PPEF1: variants seen among roughly 807,000 people sequenced by gnomAD.
PPEF1 encodes protein phosphatase with EF-hand domain 1, also known as serine/threonine-protein phosphatase with EF-hands 1.
A neutral mutation model predicts 53.3 loss-of-function variants in PPEF1; 12 were observed. The ratio of observed to expected loss-of-function variants is 0.23; its 90% confidence interval spans 0.14 to 0.36. PPEF1 has a LOEUF of 0.36. PPEF1 is among the 10% of genes least tolerant of loss of function. The pLI, the probability that PPEF1 is intolerant of heterozygous loss-of-function variation, is 1.00. For missense variants in PPEF1, 334 were observed against 490.4 expected (o/e 0.68, Z 3.01); for synonymous variants, 165 against 176.7 (o/e 0.93, Z 0.52).
At position 18,823,962 on chromosome X, in the gene PPEF1, A is replaced by G. The variant is rs1338591436; in HGVS notation, c.1541A>G (p.Asn514Ser). 8.3e-7 allele frequency: 1 copy of G among 1,209,104 alleles called. No homozygotes were observed. Among genetic ancestry groups the G allele is most frequent in the Non-Finnish European group, 1.1e-6 (1 of 893,896 alleles). ...SVSQWAFCME[N>S]ILGLNLPWRS... ...AGCCAGTGGGCTTTTTGCATGGAGA[A>G]CATTTTGGGGCTGAACTTACCATGG... The change falls in exon 14 of 16, where the codon AAC (asparagine) becomes AGC (serine). Residue 514 changes from asparagine (N) to serine (S), a missense_variant. Transcript: ENST00000470157.
intron 3 of PPEF1, among the ~76,000 whole-genome samples, chrX:18,743,503 G>A (rs1463140743): frequency 1.1e-5 from 1 of 90,688 alleles, no homozygotes; most frequent in Non-Finnish European, 2.1e-5. Flanking sequence ...AGGCTGGAGT[G>A]CAGTAGCGTA....
intron 11 of PPEF1, among the ~76,000 whole-genome samples, chrX:18,804,741 C>A (rs1405137333): frequency 8.9e-6 from 1 of 112,128 alleles, no homozygotes; most frequent in East Asian, 2.8e-4. Flanking sequence ...AGCAGTGAAT[C>A]CAGTTTGCTC....
intron 6 of PPEF1, among the ~76,000 whole-genome samples, chrX:18,776,219 G>GGTTC (rs2045962832): frequency 9.1e-6 from 1 of 109,963 alleles, no homozygotes; most frequent in Non-Finnish European, 1.9e-5. Context: ...GTGGTTGGTT[G>GGTTC]GTTGGTTGGT....
intron 7 of PPEF1, among the ~76,000 whole-genome samples, chrX:18,781,231 GA>G (rs2046079846): frequency 9.0e-6 from 1 of 110,585 alleles, no homozygotes; most frequent in Non-Finnish European, 1.9e-5. Flanking sequence ...AGGTACTATT[GA>G]GTAGGCAGTT....
Position 18,718,342 on chromosome X carries a change from G to A in PPEF1, c.46+10516G>A, listed in dbSNP as rs770807403. On this transcript the variant is annotated intron_variant, in intron 1 of 15. Coordinates refer to ENST00000470157, the MANE Select transcript of PPEF1 (RefSeq NM_001377996.1). Reference sequence around the variant, plus strand: ...TCCCAGCACTTTGGGAGGCTGAGGCGGGAGGATCACTTGAGGCTAGGAGTT... The same window carrying A: ...TCCCAGCACTTTGGGAGGCTGAGGCAGGAGGATCACTTGAGGCTAGGAGTT... Among the ~76,000 whole-genome samples the A allele has an allele frequency of 3.2e-3, 354 of 110,800 alleles. 1 individual carries two copies. The highest frequency in any genetic ancestry group is 4.6e-3 in the Non-Finnish European group (245 of 52,896).
At chrX:18,727,951 C>T (rs2044746096) in intron 1 of PPEF1, among the ~76,000 whole-genome samples, 1 of 111,729 alleles carries the variant, frequency 9.0e-6, no homozygotes, top group Non-Finnish European at 1.9e-5. Flanking sequence ...CTCACTGAAC[C>T]CGGTTCTCTT....
At chrX:18,734,454 G>A (rs1158781147) in intron 3 of PPEF1, among the ~76,000 whole-genome samples, 1 of 110,559 alleles carries the variant, frequency 9.0e-6, no homozygotes, top group Non-Finnish European at 1.9e-5. Flanking sequence ...CAAAGGGCAT[G>A]AACTCATCCT....
chrX:18,757,013 C>T lies in PPEF1; in HGVS notation c.397-614C>T, dbSNP rs149766395. On this transcript the variant is annotated intron_variant, in intron 4 of 15. Transcript: ENST00000470157. ...TCATTTGAGACCAGGAGTTCGAGAC[C>T]AGCCTGGGCAACCTAATGAGACCCT... 2.6e-4 allele frequency among the ~76,000 whole-genome samples: 29 copies of T among 110,889 alleles called. No individual in the cohort carries two copies. The East Asian group carries it at 7.7e-3, about 29-fold the overall frequency.
chrX:18,741,730 G>A (rs935111278), intron 3 of PPEF1, among the ~76,000 whole-genome samples: 1 of 105,701 alleles, frequency 9.5e-6, no homozygotes, highest in Non-Finnish European at 1.9e-5. Flanking sequence ...TTATATAGAT[G>A]GAAGCATGTG....
At chrX:18,791,136 TGTA>T (rs1161333562) in intron 10 of PPEF1, among the ~76,000 whole-genome samples, 1 of 112,419 alleles carries the variant, frequency 8.9e-6, no homozygotes, top group East Asian at 2.8e-4. Context: ...TTTTGATTAC[TGTA>T]GCTTTGTGGG....
chrX:18,804,273 T>A (rs957302720), intron 11 of PPEF1, among the ~76,000 whole-genome samples, 196 bp downstream of exon 11: 1 of 108,135 alleles, frequency 9.2e-6, no homozygotes, highest in African/African-American at 3.4e-5. Context: ...ATATTTGGTT[T>A]ATTTCCCTGA....
intron 12 of PPEF1, among the ~76,000 whole-genome samples, chrX:18,810,778 T>C (rs907858786): frequency 8.9e-6 from 1 of 112,239 alleles, no homozygotes; most frequent in African/African-American, 3.2e-5. Flanking sequence ...CATTCATGAG[T>C]TGATAGATAT....
intron 7 of PPEF1, 43 bp from the exon 8 acceptor site, chrX:18,782,323 G>A (rs2046103076): frequency 1.9e-6 from 2 of 1,066,966 alleles, no homozygotes; most frequent in Non-Finnish European, 2.6e-6. Flanking sequence ...ATGGAAGTAG[G>A]CGTTATCAAC....
chrX:18,698,700 G>A (rs901366234), intron 5 of PPEF1, among the ~76,000 whole-genome samples: 2 of 111,772 alleles, frequency 1.8e-5, no homozygotes, highest in African/African-American at 3.3e-5. Context: ...CAGGAGAATC[G>A]CTTAAGCCTG....
chrX:18,689,951 A>G (rs1436841439), intron 3 of PPEF1, among the ~76,000 whole-genome samples: 1 of 110,196 alleles, frequency 9.1e-6, no homozygotes, highest in Admixed American at 9.7e-5. Flanking sequence ...TAATTAATCC[A>G]CATTCAACCT....
intron 13 of PPEF1, among the ~76,000 whole-genome samples, chrX:18,820,203 TATTA>T (rs894381500): frequency 4.5e-5 from 5 of 111,774 alleles, no homozygotes; most frequent in African/African-American, 1.3e-4. Context: ...AATGATAAAA[TATTA>T]ATTATGCCAA....
intron 3 of PPEF1, among the ~76,000 whole-genome samples, chrX:18,735,162 T>C (rs2044944771): frequency 8.9e-6 from 1 of 112,009 alleles, no homozygotes; most frequent in African/African-American, 3.2e-5. Flanking sequence ...TTGGCTTTTG[T>C]TGCCATTGCT....
At chrX:18,685,460 T>C (rs1217492488) in intron 2 of PPEF1, among the ~76,000 whole-genome samples, 4 of 110,314 alleles carry the variant, frequency 3.6e-5, no homozygotes, top group African/African-American at 1.3e-4. Flanking sequence ...CCGAGGAGGG[T>C]GGATCACGAG....
intron 4 of PPEF1, among the ~76,000 whole-genome samples, chrX:18,751,213 G>A (rs903883486): frequency 9.0e-6 from 1 of 111,456 alleles, no homozygotes; most frequent in Non-Finnish European, 1.9e-5. Flanking sequence ...TTGGTTGCTT[G>A]TGCTTTTGGT....
Sources: allele counts gnomAD v4.1 joint callset (sites outside exome capture counted in the v4.1 genomes callset), GRCh38; gene constraint gnomAD v4.1.1; transcripts MANE v1.5; gene names NCBI Gene and HGNC (gene_info 2026-07-23, HGNC 2026-07-21).